Variants in GXYLT2 observed in about 807,000 individuals in gnomAD.
GXYLT2 encodes glucoside xylosyltransferase 2, also known as glycosyltransferase 8 domain containing 4.
Under a neutral mutation model 45.8 loss-of-function variants are expected in GXYLT2, and 53 were observed. The ratio of observed to expected loss-of-function variants is 1.16; its 90% CI spans 0.93 to 1.46. The LOEUF (loss-of-function observed/expected upper bound fraction) is 1.46, where lower values mean the gene tolerates loss of function less well. Among genes scored for constraint, GXYLT2 ranks in the 40% most tolerant of loss-of-function variants. GXYLT2 has a pLI of 0.00. For synonymous variants in GXYLT2, 219 were observed against 214.2 expected, an observed-to-expected ratio of 1.02 and a Z score of -0.19; for missense variants, 551 against 544.4, an observed-to-expected ratio of 1.01 and a Z score of -0.12.
intron 2 of GXYLT2, among the ~76,000 whole-genome samples, chr3:72,916,845 T>C (rs943874342): frequency 6.6e-6 from 1 of 151,822 alleles, no homozygotes; most frequent in African/African-American, 2.4e-5. Flanking sequence ...AACAGCTTCA[T>C]TGTATCTAGT....
intron 2 of GXYLT2, among the ~76,000 whole-genome samples, chr3:72,920,157 CAG>C (rs1709804989): frequency 6.6e-6 from 1 of 151,610 alleles, no homozygotes; most frequent in Non-Finnish European, 1.5e-5. Flanking sequence ...TTTTTTGAGA[CAG>C]AGTCTCACTC....
intron 3 of GXYLT2, among the ~76,000 whole-genome samples, chr3:72,926,267 A>C (rs922940310): frequency 1.3e-5 from 2 of 152,216 alleles, no homozygotes; most frequent in Non-Finnish European, 1.5e-5. Context: ...CAAGCCAATT[A>C]GATTCTCAGG....
intron 3 of GXYLT2, among the ~76,000 whole-genome samples, chr3:72,925,106 G>A (rs888303494): frequency 1.3e-4 from 20 of 151,786 alleles, no homozygotes; most frequent in African/African-American, 4.6e-4. Flanking sequence ...TGTTGGCAGC[G>A]ATCAGCTGCC....
rs756263260 is a variant in GXYLT2, at chr3:72,975,122, A to T, written c.1295A>T (p.His432Leu). 6.2e-7 allele frequency: 1 copy of T among 1,613,852 alleles called. No homozygotes were observed. The change falls in exon 7 of 7, where the codon CAC (histidine) becomes CTC (leucine). Residue 432 changes from histidine (H) to leucine (L), a missense_variant. Transcript: ENST00000389617. ...ACAATGAAAAGGGCTTATGAGAAAC[A>T]CGTCATCATCCATGTTGGCCCCAAC... is the stretch of plus-strand genomic sequence containing the variant. ...EKTMKRAYEK[H>L]VIIHVGPNQM...
chr3:72,900,957 A>G (rs1575776943), intron 1 of GXYLT2, among the ~76,000 whole-genome samples: 2 of 151,842 alleles, frequency 1.3e-5, no homozygotes, highest in East Asian at 3.9e-4. Context: ...GTTCAAGACC[A>G]GCCTGGCCAA....
At position 72,922,167 on chromosome 3, in the gene GXYLT2, G is replaced by A. The variant is rs575595238; in HGVS notation, c.469-37G>A. The A allele has an allele frequency of 1.6e-5, 25 of 1,599,034 alleles. No homozygotes were observed. The South Asian group carries it at 2.4e-4, about 15-fold the overall frequency. ...GCAGGCATTTTCCATATTTCCTAGG[G>A]CCTAATCACCCTTCCCTTGCTTCCC... On this transcript the variant is annotated intron_variant, in intron 2 of 6. Transcript: ENST00000389617.
At chr3:72,934,524 C>T (rs1336188451) in intron 3 of GXYLT2, among the ~76,000 whole-genome samples, 2 of 151,912 alleles carry the variant, frequency 1.3e-5, no homozygotes, top group African/African-American at 4.8e-5. Flanking sequence ...GCAAAAAGAC[C>T]CCCAAAGCCA....
In GXYLT2 at chr3:72,908,469, C is replaced by A. The variant is rs767313660; in HGVS notation, c.378C>A (p.Val126=). Residue 126 remains valine, a synonymous_variant, in exon 2 of 7, where the codon GTC becomes GTA. Transcript: ENST00000389617. The part of the protein sequence containing the change: ...ACGNRLEETL[V]MLKSAVLFSH... ...GCAATCGGCTGGAGGAGACGCTGGT[C>A]ATGCTCAAATCAGCTGTGCTTTTTA... The A allele has an allele frequency of 2.5e-6, 4 of 1,613,750 alleles. No homozygotes were observed. Among genetic ancestry groups the A allele is most frequent in the Non-Finnish European group, 3.4e-6 (4 of 1,179,868 alleles).
intron 3 of GXYLT2, among the ~76,000 whole-genome samples, chr3:72,939,264 T>G (rs2107122864): frequency 6.6e-6 from 1 of 152,182 alleles, no homozygotes; most frequent in Admixed American, 6.5e-5. Context: ...CTGGCCAACA[T>G]GGTGAAACCC....
At chr3:72,966,908 A>C (rs1356868653) in intron 5 of GXYLT2, among the ~76,000 whole-genome samples, 1 of 149,670 alleles carries the variant, frequency 6.7e-6, no homozygotes, top group East Asian at 2.0e-4. Context: ...TACAGGCGTG[A>C]GCCACCATGC....
intron 6 of GXYLT2, among the ~76,000 whole-genome samples, chr3:72,973,867 T>C (rs1014226985): frequency 7.2e-5 from 11 of 152,170 alleles, no homozygotes; most frequent in Non-Finnish European, 1.2e-4. Flanking sequence ...AGAAAAAGTA[T>C]CCCAAACCAA....
intron 3 of GXYLT2, among the ~76,000 whole-genome samples, chr3:72,939,886 T>C (rs1195243217): frequency 6.6e-6 from 1 of 152,176 alleles, no homozygotes; most frequent in Non-Finnish European, 1.5e-5. Context: ...TTTGCCATGT[T>C]GCCCAGGCTA....
rs778362724 is a variant in GXYLT2, at chr3:72,967,689, G to A, written c.1119G>A (p.Thr373=). 36 of 1,613,770 alleles carry A rather than the reference G, an allele frequency of 2.2e-5. No individual in the cohort carries two copies. The highest frequency in any genetic ancestry group is 2.7e-5 in the Non-Finnish European group (32 of 1,179,840). Residue 373 remains threonine, a synonymous_variant, in exon 6 of 7, where the codon ACG becomes ACA. Coordinates refer to ENST00000389617, the MANE Select transcript of GXYLT2 (RefSeq NM_001080393.2). The part of the protein sequence containing the change: ...RGVYHDDKQP[T]FRALYEAIRD... ...TCTACCATGACGATAAGCAACCAAC[G>A]TTCAGAGCACTCTATGAAGCAATAC... is the stretch of plus-strand genomic sequence containing the variant.
chr3:72,951,358 G>A (rs1345998919), intron 3 of GXYLT2, among the ~76,000 whole-genome samples: 1 of 152,214 alleles, frequency 6.6e-6, no homozygotes, highest in Non-Finnish European at 1.5e-5. Context: ...GTGTTTTGAA[G>A]TGCTGTGAGC....
intron 3 of GXYLT2, among the ~76,000 whole-genome samples, chr3:72,942,327 C>T (rs963193980): frequency 5.3e-5 from 8 of 151,936 alleles, no homozygotes; most frequent in Non-Finnish European, 1.2e-4. Context: ...ACACCTCTTC[C>T]TTATAGAAAA....
intron 2 of GXYLT2, among the ~76,000 whole-genome samples, chr3:72,909,196 G>A (rs1282838155): frequency 6.7e-6 from 1 of 149,938 alleles, no homozygotes; most frequent in Non-Finnish European, 1.5e-5. Flanking sequence ...AGCCTCCCGA[G>A]TAGCTGTGAT....
intron 4 of GXYLT2, among the ~76,000 whole-genome samples, chr3:72,956,396 T>G (rs947882805): frequency 6.6e-6 from 1 of 152,246 alleles, no homozygotes; most frequent in Non-Finnish European, 1.5e-5. Context: ...GCTGTTTGAA[T>G]AATTCAGTCT....
chr3:72,889,895 G>GT (rs1447986577), intron 1 of GXYLT2, among the ~76,000 whole-genome samples: 3 of 138,840 alleles, frequency 2.2e-5, no homozygotes, highest in African/African-American at 9.2e-5. Context: ...TTTTTCTTTT[G>GT]GTTTTTTTTT....
chr3:72,967,500 G>A (rs374139103), intron 5 of GXYLT2, 47 bp from the exon 6 acceptor site: 4 of 1,452,858 alleles, frequency 2.8e-6, no homozygotes, highest in Admixed American at 1.8e-5. Context: ...GTGCATGAGA[G>A]CTGGCACTAA....
Sources: gnomAD v4.1 joint callset for allele counts (sites outside exome capture counted in the v4.1 genomes callset) on GRCh38, gnomAD v4.1.1 for gene constraint, MANE v1.5 for transcripts, NCBI Gene and HGNC (gene_info 2026-07-23, HGNC 2026-07-21) for gene names.